Variants in ADA observed in about 807,000 individuals in gnomAD.
ADA encodes the protein adenosine deaminase, also known as adenosine aminohydrolase.
ADA carries 45 observed loss-of-function variants against 49.0 expected under a neutral mutation model. The ratio of observed to expected loss-of-function variants is 0.92; its 90% CI spans 0.72 to 1.18. The LOEUF is 1.18. ADA is among the 50% of genes most tolerant of loss of function. The pLI, the probability that ADA is intolerant of heterozygous loss-of-function variation, is 0.00. For synonymous variants in ADA, 173 were observed against 184.2 expected (o/e 0.94, Z 0.49); for missense variants, 445 against 472.5 (o/e 0.94, Z 0.54).
rs984364331 is a variant in ADA at position 44,646,770 on chromosome 20, C to A, written c.33+4805G>T. On this transcript the variant is annotated intron_variant, in intron 1 of 11. Transcript: ENST00000372874. The stretch of plus-strand genomic sequence containing the variant: ...CTAATGCACTGGCCCACCCTGCCAC[C>A]CTGATTCTAACTCTTCCCCCCACAC... Among the ~76,000 whole-genome samples the A allele has an allele frequency of 4.6e-4, 70 of 152,104 alleles. 1 individual carries two copies. The highest frequency in any genetic ancestry group is 1.5e-3 in the African/African-American group (63 of 41,388).
chr20:44,651,500 G>A (rs1258461526), intron 1 of ADA, 75 bp downstream of exon 1: 13 of 1,437,710 alleles, frequency 9.0e-6, no homozygotes, highest in Admixed American at 2.0e-5. Context: ...TGGACGCCCC[G>A]GGCTGGGCCC....
At chr20:44,637,734 C>T (rs1343183641) in intron 1 of ADA, among the ~76,000 whole-genome samples, 1 of 152,166 alleles carries the variant, frequency 6.6e-6, no homozygotes, top group African/African-American at 2.4e-5. Context: ...AACAGAGACA[C>T]CAGAGGTCCT....
At chr20:44,624,179 C>T (rs746284436) in intron 6 of ADA, 23 bp downstream of exon 6, 4 of 1,598,966 alleles carry the variant, frequency 2.5e-6, no homozygotes, top group Admixed American at 3.5e-5. Flanking sequence ...GCCAGCCTCT[C>T]CATTCCTTCT....
In ADA at chr20:44,629,057, G is replaced by A. The variant is rs968895664; in HGVS notation, c.208C>T (p.Pro70Ser). ...DFLAKFDYYMPAIAGCREAIK... is the reference protein window; with the variant it reads ...DFLAKFDYYMSAIAGCREAIK... ...TTGGGGGCAACTCACGCGATAGCAG[G>A]CATGTAGTAGTCAAACTTGGCCAGG... is the stretch of plus-strand genomic sequence containing the variant. The change falls in exon 3 of 12, where the codon CCT becomes TCT. Residue 70 changes from proline to serine, a missense_variant. Coordinates refer to ENST00000372874, the MANE Select transcript of ADA (RefSeq NM_000022.4). The A allele has an allele frequency of 4.3e-6, 7 of 1,614,086 alleles. No homozygotes were observed. In the African/African-American group the frequency reaches 8.0e-5, roughly 18 times the overall value.
intron 4 of ADA, chr20:44,626,233 C>T: frequency 1.5e-6 from 1 of 660,670 alleles, no homozygotes; most frequent in Non-Finnish European, 2.6e-6. Context: ...CAAGACACAG[C>T]CAAACACTTG....
rs528900963 is a variant in ADA at position 44,636,825 on chromosome 20, G to A, written c.34-537C>T. 4.6e-5 allele frequency among the ~76,000 whole-genome samples: 7 copies of A among 151,972 alleles called. No homozygotes were observed. In the South Asian group the frequency reaches 6.2e-4, roughly 14 times the overall value. ...ATTTTCGTTTTCTTTTTTTTGAGACGGATGGAGTCTCGCTCTGTCTCCCAG... is the reference window on the plus strand; with the variant it reads ...ATTTTCGTTTTCTTTTTTTTGAGACAGATGGAGTCTCGCTCTGTCTCCCAG... On this transcript the variant is annotated intron_variant, in intron 1 of 11. Transcript: ENST00000372874.
At chr20:44,631,919 C>T (rs1332330922) in intron 2 of ADA, among the ~76,000 whole-genome samples, 1 of 152,188 alleles carries the variant, frequency 6.6e-6, no homozygotes, top group Non-Finnish European at 1.5e-5. Flanking sequence ...TAGATCACTC[C>T]CTTCCTGGGT....
At chr20:44,620,579 T>C in intron 10 of ADA, 178 bp from the exon 11 acceptor site, 1 of 673,006 alleles carries the variant, frequency 1.5e-6, no homozygotes, top group South Asian at 1.6e-5. Context: ...GGTCGTGTTC[T>C]TAATTTGTCA....
chr20:44,642,988 C>G (rs1468339804), intron 1 of ADA, among the ~76,000 whole-genome samples: 1 of 152,060 alleles, frequency 6.6e-6, no homozygotes, highest in East Asian at 1.9e-4. Context: ...GAGGCCCAGA[C>G]GCGTTTCAGG....
Position 44,636,779 on chromosome 20 carries a change from A to G in ADA, c.34-491T>C, listed in dbSNP as rs1213914618. ...TCCCAAACTAGGGAAGAGTCACAGC[A>G]TATTTCAAAATTCAGGATCCATTTT... On this transcript the variant is annotated intron_variant, in intron 1 of 11. Transcript: ENST00000372874. Among the ~76,000 whole-genome samples, 3 of 152,256 alleles carry G rather than the reference A, an allele frequency of 2.0e-5. No individual in the cohort carries two copies. In the Middle Eastern group the frequency reaches 0.01, roughly 518 times the overall value.
rs1225623204 is a variant in ADA at position 44,622,903 on chromosome 20, GC to G, written c.705del (p.Leu236TrpfsTer75). 1.2e-6 allele frequency: 2 copies of G among 1,614,258 alleles called. No individual in the cohort carries two copies. Among genetic ancestry groups the G allele is most frequent in the Admixed American group, 3.3e-5 (2 of 60,032 alleles). Reference protein sequence around the residue: ...KEAVDILKTERLGHGYHTLED... With the variant: ...KEAVDILKTEXLGHGYHTLED... ...TCCAGGGTGTGGTAGCCGTGTCCCA[GC>G]CGCTCTGTCTTGAGTATGTCCACAG... On this transcript the variant is annotated frameshift_variant, in exon 8 of 12. Transcript: ENST00000372874. LOFTEE classifies it high-confidence loss of function.
At chr20:44,648,024 C>T (rs1009780589) in intron 1 of ADA, among the ~76,000 whole-genome samples, 9 of 152,008 alleles carry the variant, frequency 5.9e-5, no homozygotes, top group East Asian at 1.9e-4. Context: ...CCAGCTTGGG[C>T]GACAGAGTGA....
chr20:44,626,260 A>C (rs1751340935), intron 4 of ADA, 196 bp downstream of exon 4: 1 of 756,786 alleles, frequency 1.3e-6, no homozygotes, highest in East Asian at 2.7e-5. Context: ...AGGTAAGAAC[A>C]TAACGGCAAA....
At chr20:44,632,855 G>C (rs918425078) in intron 2 of ADA, among the ~76,000 whole-genome samples, 1 of 152,192 alleles carries the variant, frequency 6.6e-6, no homozygotes, top group Non-Finnish European at 1.5e-5. Context: ...ACCATGCCTG[G>C]CTAATTTTTT....
intron 1 of ADA, among the ~76,000 whole-genome samples, chr20:44,647,978 A>G (rs138326159): frequency 2.0e-5 from 3 of 151,938 alleles, no homozygotes; most frequent in Non-Finnish European, 4.4e-5. Flanking sequence ...CCCAGGAGGC[A>G]GAGGTTGCAG....
chr20:44,641,316 T>C (rs1179814556), intron 1 of ADA, among the ~76,000 whole-genome samples: 1 of 152,116 alleles, frequency 6.6e-6, no homozygotes, highest in Non-Finnish European at 1.5e-5. Context: ...TGGGAACCAC[T>C]GCCGTAGAGG....
chr20:44,624,371 T>G, intron 5 of ADA, 42 bp from the exon 6 acceptor site: 6 of 1,610,796 alleles, frequency 3.7e-6, no homozygotes, highest in Non-Finnish European at 5.1e-6. Flanking sequence ...ACCAGCACCA[T>G]GGAGAGACCT....
intron 5 of ADA, among the ~76,000 whole-genome samples, chr20:44,624,830 C>G (rs538147821): frequency 6.6e-6 from 1 of 152,230 alleles, no homozygotes; most frequent in African/African-American, 2.4e-5. Flanking sequence ...TGAATGAACA[C>G]AGGCTTTGGA....
rs1453131188 is a variant in ADA, at chr20:44,626,136, A to G, written c.362+320T>C. ...GACCTTTAGGGCCTTTAGAGATCTG[A>G]TCAGCATCAGTGACAAGGGAGACCC... On this transcript the variant is annotated intron_variant, in intron 4 of 11. Transcript: ENST00000372874. Among the ~76,000 whole-genome samples, 6 of 152,322 alleles carry G rather than the reference A, an allele frequency of 3.9e-5. No homozygotes were observed. In the South Asian group the frequency reaches 1.0e-3, roughly 26 times the overall value.
Sources: allele counts gnomAD v4.1 joint callset (sites outside exome capture counted in the v4.1 genomes callset), GRCh38; gene constraint gnomAD v4.1.1; transcripts MANE v1.5; gene names NCBI Gene and HGNC (gene_info 2026-07-23, HGNC 2026-07-21).